Variants in NLGN1 observed in about 807,000 individuals in gnomAD.
The protein encoded by NLGN1 is neuroligin-1.
Under a neutral mutation model 65.5 loss-of-function variants are expected in NLGN1, and 12 were observed. The observed-to-expected ratio is 0.18, with a 90% CI of 0.12 to 0.30. NLGN1 has a LOEUF of 0.30. Among genes scored for constraint, NLGN1 ranks in the 10% least tolerant of loss-of-function variants. The probability of loss-of-function intolerance (pLI) is 1.00; values close to 1 mark genes in which losing one functional copy is unlikely to be tolerated. For missense variants in NLGN1, 750 were observed against 1,007.1 expected, an observed-to-expected ratio of 0.74 and a Z score of 3.46; for synonymous variants, 350 against 359.5, an observed-to-expected ratio of 0.97 and a Z score of 0.30.
At chr3:173,978,532 G>T (rs1718032611) in intron 4 of NLGN1, among the ~76,000 whole-genome samples, 1 of 151,960 alleles carries the variant, frequency 6.6e-6, no homozygotes, top group South Asian at 2.1e-4. Flanking sequence ...ATCTGGAATT[G>T]AGAGACTTCA....
chr3:173,758,701 A>T (rs1481748060), intron 3 of NLGN1, among the ~76,000 whole-genome samples: 1 of 151,976 alleles, frequency 6.6e-6, no homozygotes, highest in East Asian at 1.9e-4. Context: ...CCCTCCATGT[A>T]TATTTGTAGC....
At chr3:173,860,011 C>T (rs1485156174) in intron 4 of NLGN1, among the ~76,000 whole-genome samples, 2 of 151,902 alleles carry the variant, frequency 1.3e-5, no homozygotes, top group East Asian at 3.9e-4. Context: ...TAAAAGTCAA[C>T]TTTTAATATT....
chr3:174,178,129 C>CTA (rs1561225753), intron 4 of NLGN1, among the ~76,000 whole-genome samples: 4 of 152,054 alleles, frequency 2.6e-5, no homozygotes, highest in Admixed American at 2.0e-4. Flanking sequence ...CAAAGTTTAA[C>CTA]TATTTAGAAG....
intron 3 of NLGN1, among the ~76,000 whole-genome samples, chr3:173,641,862 T>C (rs1249361051): frequency 1.3e-5 from 2 of 152,196 alleles, no homozygotes; most frequent in African/African-American, 4.8e-5. Flanking sequence ...GTTGTTTACA[T>C]ATTATGTATT....
intron 4 of NLGN1, among the ~76,000 whole-genome samples, chr3:173,997,603 A>C (rs758306503): frequency 2.6e-5 from 4 of 152,100 alleles, no homozygotes; most frequent in Non-Finnish European, 5.9e-5. Context: ...TCCCGGCAAT[A>C]TTCATAATCA....
intron 4 of NLGN1, among the ~76,000 whole-genome samples, chr3:173,927,086 G>A (rs1007246848): frequency 6.6e-6 from 1 of 151,964 alleles, no homozygotes; most frequent in African/African-American, 2.4e-5. Flanking sequence ...CTTTTGAAAT[G>A]GAGTTTCACT....
Position 173,718,077 on chromosome 3 carries a change from C to T in NLGN1, c.494-89603C>T, listed in dbSNP as rs1295576728. ...CATGTCATATTCTGATACTTAAATA[C>T]TATGTGTAGCGATCAAATTAGGGTA... is the stretch of plus-strand genomic sequence containing the variant. On this transcript the variant is annotated intron_variant, in intron 3 of 6. Coordinates refer to ENST00000457714, the Ensembl canonical transcript of NLGN1. Among the ~76,000 whole-genome samples, 9 of 152,132 alleles carry T rather than the reference C, an allele frequency of 5.9e-5. No individual in the cohort carries two copies. In the East Asian group the frequency reaches 1.2e-3, roughly 20 times the overall value.
chr3:174,236,675 A>T (rs777672995), intron 4 of NLGN1, among the ~76,000 whole-genome samples: 6 of 152,096 alleles, frequency 3.9e-5, no homozygotes, highest in Non-Finnish European at 8.8e-5. Flanking sequence ...AATATGTTAC[A>T]ATCAATATGT....
chr3:173,454,066 T>C (rs1722102513), intron 2 of NLGN1, among the ~76,000 whole-genome samples: 1 of 152,336 alleles, frequency 6.6e-6, no homozygotes, highest in African/African-American at 2.4e-5. Context: ...AGCATTAATC[T>C]CTTGTATATC....
intron 3 of NLGN1, among the ~76,000 whole-genome samples, chr3:173,742,306 G>C (rs1165019298): frequency 6.6e-6 from 1 of 152,010 alleles, no homozygotes; most frequent in Non-Finnish European, 1.5e-5. Context: ...TTTAATATTA[G>C]GGCTGATGTC....
intron 4 of NLGN1, among the ~76,000 whole-genome samples, chr3:174,245,139 T>C (rs1202483238): frequency 1.3e-5 from 2 of 152,186 alleles, no homozygotes; most frequent in Non-Finnish European, 2.9e-5. Flanking sequence ...TGCTGCTGTT[T>C]TGTGTAATAG....
At chr3:173,908,733 T>C (rs957243721) in intron 4 of NLGN1, among the ~76,000 whole-genome samples, 1 of 152,098 alleles carries the variant, frequency 6.6e-6, no homozygotes, top group Non-Finnish European at 1.5e-5. Context: ...CATTAAAAAA[T>C]AGACACTGCT....
At chr3:174,078,539 T>A (rs759662310) in intron 4 of NLGN1, among the ~76,000 whole-genome samples, 6 of 152,058 alleles carry the variant, frequency 3.9e-5, no homozygotes, top group South Asian at 2.1e-4. Context: ...ATAGACATTT[T>A]AAAAAAAAGA....
At chr3:174,050,469 T>C (rs979751970) in intron 4 of NLGN1, among the ~76,000 whole-genome samples, 2 of 150,776 alleles carry the variant, frequency 1.3e-5, no homozygotes, top group Admixed American at 1.3e-4. Context: ...ATTAAAAGTC[T>C]ATGGTAAACT....
At position 174,279,091 on chromosome 3, in the gene NLGN1, G is replaced by C. The variant is rs772103249; in HGVS notation, c.1090G>C (p.Val364Leu). 6.2e-6 allele frequency: 10 copies of C among 1,613,288 alleles called. No homozygotes were observed. Among genetic ancestry groups the C allele is most frequent in the Non-Finnish European group, 8.5e-6 (10 of 1,179,458 alleles). Residue 364 changes from valine (V) to leucine (L), a missense_variant, in exon 6 of 7, where the codon GTA becomes CTA. Physicochemically the swap from Val to Leu is conservative, Grantham distance 32. Transcript: ENST00000457714. This position sits in a 1 kb window ranked among gnomAD's most constrained non-coding sequence, Gnocchi z 4.7. ...CTTTGGACCTGTGATTGATGGTGAT[G>C]TAATACCAGACGACCCCCAGATATT...
At chr3:173,593,238 TTG>T (rs1748842565) in intron 2 of NLGN1, among the ~76,000 whole-genome samples, 3 of 152,214 alleles carry the variant, frequency 2.0e-5, no homozygotes, top group Non-Finnish European at 2.9e-5. Flanking sequence ...ACAATTATTT[TTG>T]ATTCAAGGGT....
intron 4 of NLGN1, among the ~76,000 whole-genome samples, chr3:174,089,703 G>A (rs1744129289): frequency 6.6e-6 from 1 of 152,100 alleles, no homozygotes; most frequent in Non-Finnish European, 1.5e-5. Context: ...TGAAGGGTGA[G>A]ACTGCCAATA....
intron 2 of NLGN1, among the ~76,000 whole-genome samples, chr3:173,448,540 C>G (rs1322348539): frequency 1.3e-5 from 2 of 152,182 alleles, no homozygotes; most frequent in Non-Finnish European, 2.9e-5. Flanking sequence ...GGTTGTGTCT[C>G]TGCCAGGCTT....
At chr3:173,905,701 G>T (rs1378219687) in intron 4 of NLGN1, among the ~76,000 whole-genome samples, 1 of 152,170 alleles carries the variant, frequency 6.6e-6, no homozygotes, top group African/African-American at 2.4e-5. Flanking sequence ...AAAAATAACA[G>T]AAGACATGGA....
Sources: gnomAD v4.1 joint callset for allele counts (sites outside exome capture counted in the v4.1 genomes callset) on GRCh38, gnomAD v4.1.1 for gene constraint, Gnocchi (gnomAD v3.1) non-coding constraint, MANE v1.5 for transcripts, NCBI Gene and HGNC (gene_info 2026-07-23, HGNC 2026-07-21) for gene names.